The following SURF4 variants were observed in gnomAD, a reference collection of about 807,000 sequenced individuals.
SURF4 encodes the protein surfeit 4, also known as surfeit locus protein 4.
A neutral mutation model predicts 30.0 loss-of-function variants in SURF4; 3 were observed. The observed-to-expected ratio is 0.10, with a 90% confidence interval of 0.05 to 0.26. The LOEUF (loss-of-function observed/expected upper bound fraction) is 0.26. Among genes scored for constraint, SURF4 ranks in the 10% least tolerant of loss-of-function variants. The pLI is 1.00. For missense variants in SURF4, 217 were observed against 350.8 expected (o/e 0.62, Z 3.05); for synonymous variants, 143 against 139.9 (o/e 1.02, Z -0.16).
At position 133,365,039 on chromosome 9, in the gene SURF4, T is replaced by C. The variant is rs1837083968; in HGVS notation, c.357-13A>G. The C allele has an allele frequency of 6.6e-7, 1 of 1,522,416 alleles. No individual in the cohort carries two copies. Among genetic ancestry groups the C allele is most frequent in the Non-Finnish European group, 8.8e-7 (1 of 1,130,052 alleles). The allele number at this position is 1,522,416 out of a possible 1,614,324, so 94.3% of individuals were successfully genotyped here. A position where few individuals can be genotyped will look rare whatever the true frequency, so the allele number is the denominator to read the frequency against. On this transcript the variant is annotated splice_polypyrimidine_tract_variant and intron_variant, in intron 4 of 5. Transcript: ENST00000371989. ...CAGGGCCAGGTTCCTGAGGAACAGATATGTGGGCTGGAAGCTAAGCCTCAC... is the reference window on the plus strand; with the variant it reads ...CAGGGCCAGGTTCCTGAGGAACAGACATGTGGGCTGGAAGCTAAGCCTCAC...
chr9:133,376,447 C>T (rs2130247742), upstream of SURF4: 6 of 1,553,594 alleles, frequency 3.9e-6, no homozygotes, highest in African/African-American at 6.9e-5. Flanking sequence ...GGGGTGGACG[C>T]TCGCCCGTAC....
chr9:133,366,025 T>C lies in SURF4; in HGVS notation c.316A>G (p.Ile106Val). ...AAGTCCCATAAAATGCTGTAGGCAA[T>C]CGTCTGAGGGGAAAGAAGAGAGAGA... ...GLFGIIALQT[I>V]AYSILWDLKF... Residue 106 changes from isoleucine (I) to valine (V), a missense_variant, in exon 4 of 6, where the codon ATT becomes GTT. By Grantham distance (29) the Ile-to-Val change is conservative. Coordinates refer to ENST00000371989, the MANE Select transcript of SURF4 (RefSeq NM_033161.4). 6.2e-7 allele frequency: 1 copy of C among 1,614,074 alleles called. No homozygotes were observed. The highest frequency in any genetic ancestry group is 1.1e-5 in the South Asian group (1 of 91,084).
upstream of SURF4, among the ~76,000 whole-genome samples, chr9:133,377,289 C>G (rs984393248): frequency 6.6e-6 from 1 of 152,146 alleles, no homozygotes; most frequent in East Asian, 1.9e-4. Context: ...ATTCGAGATA[C>G]GGCTCCATTT....
Position 133,370,474 on chromosome 9 carries a change from G to A in SURF4, c.49-3029C>T, listed in dbSNP as rs2130179268. Among the ~76,000 whole-genome samples the A allele has an allele frequency of 2.0e-5, 3 of 152,314 alleles. No homozygotes were observed. In the South Asian group the frequency reaches 6.2e-4, roughly 32 times the overall value. On this transcript the variant is annotated intron_variant, in intron 1 of 5. Coordinates refer to ENST00000371989, the MANE Select transcript of SURF4 (RefSeq NM_033161.4). Reference sequence around the variant, plus strand: ...TCCTCTAAACTGGCCACCATTTAATGAGCATCTGTTTGGACTGAACACTGA... The same window carrying A: ...TCCTCTAAACTGGCCACCATTTAATAAGCATCTGTTTGGACTGAACACTGA...
chr9:133,367,240 C>T lies in SURF4; in HGVS notation c.235+19G>A. On this transcript the variant is annotated intron_variant, in intron 2 of 5. Transcript: ENST00000371989. ...AACAAGACGCCCAGTGAATCCTGACCACCCGCAGAGCCACTCACTCAGCTG... is the reference window on the plus strand; with the variant it reads ...AACAAGACGCCCAGTGAATCCTGACTACCCGCAGAGCCACTCACTCAGCTG... 6.2e-7 allele frequency: 1 copy of T among 1,611,374 alleles called. No individual in the cohort carries two copies. The highest frequency in any genetic ancestry group is 1.1e-5 in the South Asian group (1 of 90,936).
At chr9:133,373,909 C>CAAAAAAAAAAAAAAAAAAAA (rs71824689) in intron 1 of SURF4, among the ~76,000 whole-genome samples, 31 of 47,550 alleles carry the variant, frequency 6.5e-4, no homozygotes, top group Non-Finnish European at 1.0e-3. Flanking sequence ...AATTCTGTCT[C>CAAAAAAAAAAAAAAAAAAAA]AAAAAAAAAA....
chr9:133,366,479 C>G (rs1837180082), intron 3 of SURF4, 120 bp downstream of exon 3: 1 of 1,100,404 alleles, frequency 9.1e-7, no homozygotes, highest in Admixed American at 1.9e-5. Context: ...GAGCTCCAGG[C>G]AGTCAGAGAC....
intron 1 of SURF4, among the ~76,000 whole-genome samples, chr9:133,367,908 A>G (rs1201610626): frequency 6.6e-6 from 1 of 152,344 alleles, no homozygotes; most frequent in East Asian, 1.9e-4. Flanking sequence ...GCACCTCAGC[A>G]CTACTGGCAT....
intron 1 of SURF4, among the ~76,000 whole-genome samples, chr9:133,370,069 G>A (rs1275320693): frequency 6.6e-6 from 1 of 152,230 alleles, no homozygotes; most frequent in African/African-American, 2.4e-5. Flanking sequence ...CCTGAGATGA[G>A]CAAACCAGCC....
At chr9:133,377,680 A>G (rs2130255262), upstream of SURF4, among the ~76,000 whole-genome samples, 1 of 151,814 alleles carries the variant, frequency 6.6e-6, no homozygotes, top group Non-Finnish European at 1.5e-5. Flanking sequence ...AAAAAAAAAA[A>G]TAGCAGTCCC....
chr9:133,372,217 A>T (rs1837549063), intron 1 of SURF4, among the ~76,000 whole-genome samples: 3 of 152,232 alleles, frequency 2.0e-5, no homozygotes, highest in Admixed American at 6.5e-5. Flanking sequence ...CCTGGCTGCC[A>T]GAGCAAGCAG....
intron 4 of SURF4, among the ~76,000 whole-genome samples, 181 bp from the exon 5 acceptor site, chr9:133,365,207 C>G (rs928915667): frequency 1.3e-5 from 2 of 152,136 alleles, no homozygotes; most frequent in African/African-American, 4.8e-5. Context: ...ACTCGAGTTA[C>G]ACCCATGTAA....
intron 1 of SURF4, among the ~76,000 whole-genome samples, chr9:133,374,433 T>C (rs1337958758): frequency 1.3e-5 from 2 of 150,942 alleles, no homozygotes; most frequent in Admixed American, 6.6e-5. Flanking sequence ...TGACGGTGCA[T>C]GCCTGTAATC....
upstream of SURF4, chr9:133,376,110 A>T (rs1440954327): frequency 1.7e-6 from 2 of 1,201,342 alleles, no homozygotes; most frequent in African/African-American, 3.2e-5. Context: ...AGCGGCTGCC[A>T]CGTAGGCCAA....
chr9:133,375,460 T>A, intron 1 of SURF4: 1 of 978,920 alleles, frequency 1.0e-6, no homozygotes, highest in Non-Finnish European at 1.2e-6. Flanking sequence ...CCCCCTTTCC[T>A]CTGGGAGGAC....
Position 133,376,026 on chromosome 9 carries a change from C to A in SURF4, c.-57G>T. ...CGCTCGCTCGCTGGCTCTCGCCCGT[C>A]GGCGCCCGCACCCGCTGCGGCCTCC... On this transcript the variant is annotated 5_prime_UTR_variant, in exon 1 of 6. Transcript: ENST00000371989. The A allele has an allele frequency of 8.2e-7, 1 of 1,216,190 alleles. No individual in the cohort carries two copies. Among genetic ancestry groups the A allele is most frequent in the Middle Eastern group, 3.1e-4 (1 of 3,230 alleles). The allele number at this position is 1,216,190 out of a possible 1,614,324, so 75.3% of individuals were successfully genotyped here. A position where few individuals can be genotyped will look rare whatever the true frequency, so the allele number is the denominator to read the frequency against.
At chr9:133,374,797 A>C (rs1415256253) in intron 1 of SURF4, among the ~76,000 whole-genome samples, 2 of 151,624 alleles carry the variant, frequency 1.3e-5, no homozygotes, top group Admixed American at 6.6e-5. Flanking sequence ...ACGGTCACTT[A>C]CTCTTTTCTT....
At chr9:133,374,908 A>G (rs2130230397) in intron 1 of SURF4, among the ~76,000 whole-genome samples, 3 of 152,160 alleles carry the variant, frequency 2.0e-5, no homozygotes, top group Admixed American at 6.5e-5. Flanking sequence ...TTTAACCATC[A>G]CTACTTAAAA....
chr9:133,372,792 C>A (rs1408696414), intron 1 of SURF4: 11 of 253,576 alleles, frequency 4.3e-5, no homozygotes, highest in Non-Finnish European at 6.2e-5. Context: ...TAAAGAGAAA[C>A]AAAGCCCCAC....
Sources: gnomAD v4.1 joint callset for allele counts (sites outside exome capture counted in the v4.1 genomes callset) on GRCh38, gnomAD v4.1.1 for gene constraint, MANE v1.5 for transcripts, NCBI Gene and HGNC (gene_info 2026-07-23, HGNC 2026-07-21) for gene names.